The following TENM1 variants were observed in gnomAD, a reference collection of about 807,000 sequenced individuals.
TENM1 encodes the protein teneurin-1.
TENM1 carries 35 observed loss-of-function variants against 174.8 expected under a neutral mutation model. The ratio of observed to expected loss-of-function variants is 0.20; its 90% CI spans 0.15 to 0.27. The LOEUF (loss-of-function observed/expected upper bound fraction) is 0.27, where lower values mean the gene tolerates loss of function less well. Among genes scored for constraint, TENM1 ranks in the 10% least tolerant of loss-of-function variants. TENM1 has a pLI of 1.00. For missense variants in TENM1, 1,633 were observed against 2,130.1 expected (o/e 0.77, Z 4.59); for synonymous variants, 781 against 798.7 (o/e 0.98, Z 0.37).
chrX:124,655,325 C>T (rs1306086635), intron 6 of TENM1, among the ~76,000 whole-genome samples: 1 of 111,709 alleles, frequency 9.0e-6, no homozygotes, highest in African/African-American at 3.3e-5. Context: ...TTCTGATGTG[C>T]CAGTTTAATA....
At chrX:125,159,157 C>G in the TENM1 span, among the ~76,000 whole-genome samples, 1 of 111,714 alleles carries the variant, frequency 9.0e-6, no homozygotes, top group Non-Finnish European at 1.9e-5. Flanking sequence ...CACAGCAGCT[C>G]TATGGGTGTA....
the TENM1 span, among the ~76,000 whole-genome samples, chrX:125,166,728 C>T: frequency 0.016 from 1,768 of 111,664 alleles, 43 homozygotes; most frequent in African/African-American, 0.054. Context: ...TAAATTCCTT[C>T]TTCCTCTTAA....
intron 3 of TENM1, among the ~76,000 whole-genome samples, chrX:124,783,603 A>T (rs1008981002): frequency 2.7e-5 from 3 of 111,983 alleles, no homozygotes; most frequent in African/African-American, 9.7e-5. Context: ...GACAAAATTC[A>T]ATAAAAAAAT....
the TENM1 span, among the ~76,000 whole-genome samples, chrX:125,063,258 A>C: frequency 2.3e-3 from 253 of 112,094 alleles, no homozygotes; most frequent in Non-Finnish European, 3.9e-3. Context: ...GCATATTATG[A>C]AGAAACTACG....
At chrX:124,568,652 G>A (rs1390385038) in intron 11 of TENM1, among the ~76,000 whole-genome samples, 1 of 111,321 alleles carries the variant, frequency 9.0e-6, no homozygotes, top group Admixed American at 9.5e-5. Flanking sequence ...CCCTTCTGAT[G>A]AGAACTAGAA....
At chrX:124,841,511 T>G in intron 3 of TENM1, among the ~76,000 whole-genome samples, 1 of 110,592 alleles carries the variant, frequency 9.0e-6, no homozygotes, top group Non-Finnish European at 1.9e-5. Flanking sequence ...ATTGCTTCTG[T>G]ACTATTCCTG....
chrX:124,391,943 G>A, intron 28 of TENM1, 109 bp downstream of exon 31: 1 of 622,562 alleles, frequency 1.6e-6, no homozygotes, highest in Non-Finnish European at 2.5e-6. Context: ...CAGAACAGCT[G>A]GAACACAGAC....
intron 16 of TENM1, among the ~76,000 whole-genome samples, chrX:124,529,093 A>G (rs976709546): frequency 2.7e-5 from 3 of 111,503 alleles, no homozygotes; most frequent in African/African-American, 9.8e-5. Context: ...TATGAGTAGG[A>G]CATTTTAAGG....
chrX:124,878,658 C>T (rs2057250239), intron 3 of TENM1, among the ~76,000 whole-genome samples: 1 of 111,412 alleles, frequency 9.0e-6, no homozygotes, highest in African/African-American at 3.3e-5. Flanking sequence ...AGATGCCATG[C>T]ATGTACAGCC....
chrX:124,645,370 C>T, intron 9 of TENM1, 33 bp from the exon 13 acceptor site: 2 of 1,154,773 alleles, frequency 1.7e-6, no homozygotes, highest in Non-Finnish European at 2.3e-6. Context: ...GTAATGTTCT[C>T]ATAATGCTTT....
At chrX:125,189,921 A>C in the TENM1 span, among the ~76,000 whole-genome samples, 1 of 112,127 alleles carries the variant, frequency 8.9e-6, no homozygotes, top group African/African-American at 3.2e-5. Flanking sequence ...CTGTAATTTT[A>C]ATACCTATAT....
Position 124,481,897 on chromosome X carries a change from T to A in TENM1, c.3784A>T (p.Thr1262Ser), listed in dbSNP as rs1278836388. 3.3e-6 allele frequency: 4 copies of A among 1,207,152 alleles called. No individual in the cohort carries two copies. In the Admixed American group the frequency reaches 8.7e-5, roughly 26 times the overall value. ...AACTTGTAGACTTTGCGAGTATTGGTGTCTGATAGATAGAGTGATTCAGAC... is the reference window on the plus strand; with the variant it reads ...AACTTGTAGACTTTGCGAGTATTGGAGTCTGATAGATAGAGTGATTCAGAC... The change falls in exon 22 of 32, where the codon ACC becomes TCC. Residue 1262 changes from threonine (T) to serine (S), a missense_variant. Physicochemically the swap from Thr to Ser is moderately conservative, Grantham distance 58 (BLOSUM62 1). Coordinates refer to ENST00000422452, the Ensembl canonical transcript of TENM1.
At chrX:125,166,318 C>A in the TENM1 span, among the ~76,000 whole-genome samples, 1 of 111,252 alleles carries the variant, frequency 9.0e-6, no homozygotes, top group East Asian at 2.8e-4. Context: ...CCATTGTTCT[C>A]CATTTTCTAT....
chrX:125,018,274 G>T, the TENM1 span, among the ~76,000 whole-genome samples: 22 of 111,428 alleles, frequency 2.0e-4, 1 homozygote, highest in East Asian at 6.2e-3. Context: ...CAACAAATAG[G>T]TTCATGGAGC....
the TENM1 span, among the ~76,000 whole-genome samples, chrX:125,173,378 G>A: frequency 9.0e-6 from 1 of 111,546 alleles, no homozygotes; most frequent in African/African-American, 3.2e-5. Flanking sequence ...AAGTCGTCAG[G>A]AGACTTTTGT....
rs185326751 is a variant in TENM1, at chrX:124,453,959, G to C, written c.3950-468C>G. Reference sequence around the variant, plus strand: ...TTCAGACTTTGTTAAAAGGGAGTTTGTAATAACTTTGATGAACCGGGCTGA... The same window carrying C: ...TTCAGACTTTGTTAAAAGGGAGTTTCTAATAACTTTGATGAACCGGGCTGA... On this transcript the variant is annotated intron_variant, in intron 22 of 31. Transcript: ENST00000422452. Among the ~76,000 whole-genome samples, 246 of 111,681 alleles carry C rather than the reference G, an allele frequency of 2.2e-3. 1 individual carries two copies. Among genetic ancestry groups the C allele is most frequent in the African/African-American group, 6.3e-3 (193 of 30,771 alleles).
chrX:124,462,491 G>A (rs1028907548), intron 22 of TENM1, among the ~76,000 whole-genome samples: 3 of 108,784 alleles, frequency 2.8e-5, no homozygotes, highest in African/African-American at 3.4e-5. Context: ...AGCTTGGCCC[G>A]AGTATTAACA....
chrX:124,587,814 A>G (rs1265620228), intron 11 of TENM1, among the ~76,000 whole-genome samples: 1 of 111,803 alleles, frequency 8.9e-6, no homozygotes, highest in Non-Finnish European at 1.9e-5. Flanking sequence ...AATATCCAGA[A>G]TCTACAAAGA....
intron 4 of TENM1, among the ~76,000 whole-genome samples, chrX:124,709,212 T>G (rs965252314): frequency 1.8e-5 from 2 of 111,974 alleles, no homozygotes; most frequent in Non-Finnish European, 3.8e-5. Flanking sequence ...ACAGTCGATA[T>G]CTCTATTTTA....
Sources: gnomAD v4.1 joint callset for allele counts (sites outside exome capture counted in the v4.1 genomes callset) on GRCh38, gnomAD v4.1.1 for gene constraint, MANE v1.5 for transcripts, NCBI Gene and HGNC (gene_info 2026-07-23, HGNC 2026-07-21) for gene names.